The following SEMA3A variants were observed in gnomAD, a reference collection of about 807,000 sequenced individuals.
The protein encoded by SEMA3A is semaphorin 3A.
Under a neutral mutation model 97.9 loss-of-function variants are expected in SEMA3A, and 29 were observed. That is an observed-to-expected ratio of 0.30 (90% CI 0.22 to 0.40). The LOEUF (loss-of-function observed/expected upper bound fraction) is 0.40. Ranked by LOEUF, SEMA3A falls within the 10% of genes least tolerant of loss-of-function variation. The pLI is 1.00. For missense variants in SEMA3A, 763 were observed against 951.3 expected, an observed-to-expected ratio of 0.80 and a Z score of 2.60; for synonymous variants, 321 against 323.7, an observed-to-expected ratio of 0.99 and a Z score of 0.09.
At chr7:84,206,819 A>G (rs1486705012) in intron 3 of SEMA3A, among the ~76,000 whole-genome samples, 2 of 143,294 alleles carry the variant, frequency 1.4e-5, no homozygotes, top group Non-Finnish European at 3.1e-5. Context: ...AACTGCATAA[A>G]TAAGTGACAG....
chr7:84,398,731 C>A (rs909961328), intron 1 of SEMA3A, among the ~76,000 whole-genome samples: 2 of 151,740 alleles, frequency 1.3e-5, no homozygotes, highest in African/African-American at 2.4e-5. Context: ...TCACTAGAGC[C>A]CAGGAGTTTA....
At chr7:84,220,224 C>T (rs944035671) in intron 3 of SEMA3A, among the ~76,000 whole-genome samples, 3 of 152,092 alleles carry the variant, frequency 2.0e-5, no homozygotes, top group Non-Finnish European at 4.4e-5. Flanking sequence ...AATCCTCATC[C>T]GTAAAAGTTT....
At chr7:84,245,806 A>T (rs1799463885) in intron 3 of SEMA3A, among the ~76,000 whole-genome samples, 1 of 152,038 alleles carries the variant, frequency 6.6e-6, no homozygotes, top group Admixed American at 6.6e-5. Context: ...GCTGGGAGGT[A>T]TCTCTCAGTC....
intron 1 of SEMA3A, among the ~76,000 whole-genome samples, chr7:84,179,966 T>TTA (rs1350521329): frequency 6.8e-4 from 99 of 144,796 alleles, no homozygotes; most frequent in Admixed American, 3.7e-3. Context: ...GACTGTTCTT[T>TTA]TTTTTTTTTT....
In SEMA3A at chr7:84,204,190, C is replaced by T. The variant is rs79281019; in HGVS notation, c.-82-9522G>A. On this transcript the variant is annotated intron_variant, in intron 3 of 3. Transcript: ENST00000424555. ...ATTTTTTTAATTTAAAAATTAAGAA[C>T]GATGGCTGTGAAACTCTCAAGAAAT... Among the ~76,000 whole-genome samples, 1,737 of 152,062 alleles carry T rather than the reference C, an allele frequency of 0.011. 63 individuals are homozygous for T. The East Asian group carries it at 0.15, about 13-fold the overall frequency.
intron 1 of SEMA3A, among the ~76,000 whole-genome samples, chr7:84,378,490 A>C (rs942647077): frequency 6.6e-6 from 1 of 152,164 alleles, no homozygotes; most frequent in African/African-American, 2.4e-5. Context: ...GTTCTCACTC[A>C]TAAGTGGGAG....
chr7:84,446,540 C>T (rs184395727), intron 1 of SEMA3A, among the ~76,000 whole-genome samples: 80 of 152,180 alleles, frequency 5.3e-4, no homozygotes, highest in Admixed American at 2.7e-3. Context: ...TCTTGTAATA[C>T]ACGTAGACAG....
intron 1 of SEMA3A, among the ~76,000 whole-genome samples, chr7:84,192,319 TA>T (rs1019318980): frequency 2.0e-5 from 3 of 152,024 alleles, no homozygotes; most frequent in African/African-American, 7.2e-5. Flanking sequence ...GACAAAAAGG[TA>T]ATGACAGATT....
intron 2 of SEMA3A, among the ~76,000 whole-genome samples, chr7:84,130,442 C>T (rs1795929929): frequency 2.6e-5 from 4 of 152,064 alleles, no homozygotes; most frequent in Admixed American, 2.6e-4. Context: ...ATTGGATAGG[C>T]ATTCATTTTT....
chr7:84,267,698 T>G (rs1800041386), intron 3 of SEMA3A, among the ~76,000 whole-genome samples: 1 of 152,096 alleles, frequency 6.6e-6, no homozygotes, highest in African/African-American at 2.4e-5. Flanking sequence ...AAAATAAAAG[T>G]GATTTCATGG....
chr7:84,229,726 G>C (rs1799073541), intron 3 of SEMA3A, among the ~76,000 whole-genome samples: 2 of 152,110 alleles, frequency 1.3e-5, no homozygotes, highest in South Asian at 4.1e-4. Flanking sequence ...TCTATCCAGA[G>C]AACAGTTATA....
intron 6 of SEMA3A, among the ~76,000 whole-genome samples, chr7:84,023,776 C>T (rs1468006492): frequency 1.3e-5 from 2 of 151,992 alleles, no homozygotes; most frequent in African/African-American, 4.8e-5. Flanking sequence ...TTTGGGAGGC[C>T]GAGGCGGGTG....
intron 1 of SEMA3A, among the ~76,000 whole-genome samples, chr7:84,179,716 C>T (rs1417486411): frequency 6.6e-6 from 1 of 151,926 alleles, no homozygotes; most frequent in Admixed American, 6.6e-5. Context: ...CTTAATACAT[C>T]TCTGTTCATT....
At chr7:84,265,710 C>T (rs752588298) in intron 3 of SEMA3A, among the ~76,000 whole-genome samples, 10 of 151,814 alleles carry the variant, frequency 6.6e-5, no homozygotes, top group East Asian at 1.9e-4. Flanking sequence ...GTTCTGTCTA[C>T]ACTCCTAGGC....
At position 84,357,720 on chromosome 7, in the gene SEMA3A, C is replaced by A. The variant is rs559185995; in HGVS notation, c.-169+14104G>T. 2.0e-5 allele frequency among the ~76,000 whole-genome samples: 3 copies of A among 151,824 alleles called. No homozygotes were observed. The South Asian group carries it at 6.3e-4, about 32-fold the overall frequency. On this transcript the variant is annotated intron_variant, in intron 2 of 3. Transcript: ENST00000424555. Reference sequence around the variant, plus strand: ...CCTGAGGAATCGCCACACTGTCTTCCACAATGGTTGAACTACTTTACAGTC... The same window carrying A: ...CCTGAGGAATCGCCACACTGTCTTCAACAATGGTTGAACTACTTTACAGTC...
At chr7:83,968,971 T>C (rs749089921) in intron 15 of SEMA3A, among the ~76,000 whole-genome samples, 1 of 151,858 alleles carries the variant, frequency 6.6e-6, no homozygotes, top group Non-Finnish European at 1.5e-5. Flanking sequence ...CCACCACAGC[T>C]GGCTAATTTT....
At chr7:84,081,628 C>G (rs560988396) in intron 4 of SEMA3A, among the ~76,000 whole-genome samples, 89 of 148,658 alleles carry the variant, frequency 6.0e-4, no homozygotes, top group African/African-American at 2.2e-3. Context: ...ATTTCCCAAG[C>G]TTATGTGTTA....
chr7:83,967,036 T>G (rs767902104), intron 15 of SEMA3A, among the ~76,000 whole-genome samples: 1 of 152,110 alleles, frequency 6.6e-6, no homozygotes, highest in Non-Finnish European at 1.5e-5. Context: ...TTGGATACAG[T>G]TATTTCTATT....
At chr7:84,417,190 A>G (rs960304626) in intron 1 of SEMA3A, among the ~76,000 whole-genome samples, 2 of 152,088 alleles carry the variant, frequency 1.3e-5, no homozygotes, top group African/African-American at 4.8e-5. Flanking sequence ...CTTAATTACA[A>G]TAGTACAAAA....
Sources: allele counts gnomAD v4.1 joint callset (sites outside exome capture counted in the v4.1 genomes callset), GRCh38; gene constraint gnomAD v4.1.1; transcripts MANE v1.5; gene names NCBI Gene and HGNC (gene_info 2026-07-23, HGNC 2026-07-21).